Variants in NALF1 observed in about 807,000 individuals in gnomAD.
NALF1 encodes the protein NALCN channel auxiliary factor 1, also known as family with sequence similarity 155 member A.
In NALF1, 3 loss-of-function variants were observed where a neutral mutation model predicts 48.4. That is an observed-to-expected ratio of 0.06 (90% CI 0.03 to 0.16). The LOEUF is 0.16. Ranked by LOEUF, NALF1 falls within the 10% of genes least tolerant of loss-of-function variation. The pLI is 1.00. For missense variants in NALF1, 526 were observed against 571.5 expected (o/e 0.92, Z 0.81); for synonymous variants, 262 against 245.7 (o/e 1.07, Z -0.62).
At chr13:107,325,855 C>CACATATATAT (rs1331741745) in intron 1 of NALF1, among the ~76,000 whole-genome samples, 12 of 54,044 alleles carry the variant, frequency 2.2e-4, no homozygotes, top group Admixed American at 1.2e-3. Flanking sequence ...CACACACACA[C>CACATATATAT]ATATATATAT....
At chr13:107,348,902 A>G (rs1338047175) in intron 1 of NALF1, among the ~76,000 whole-genome samples, 1 of 152,210 alleles carries the variant, frequency 6.6e-6, no homozygotes, top group Non-Finnish European at 1.5e-5. Flanking sequence ...CTTCCATTTC[A>G]GATGCCAGCT....
At chr13:107,854,868 CAAA>C (rs35071894) in intron 1 of NALF1, among the ~76,000 whole-genome samples, 7 of 81,922 alleles carry the variant, frequency 8.5e-5, no homozygotes, top group Non-Finnish European at 7.2e-5. Context: ...GGTTCCATCT[CAAA>C]AAAAAAAAAA....
chr13:107,345,547 C>T (rs935854351), intron 1 of NALF1, among the ~76,000 whole-genome samples: 2 of 152,066 alleles, frequency 1.3e-5, no homozygotes, highest in African/African-American at 4.8e-5. Context: ...AAAGTCTACA[C>T]AATATGGAAA....
At chr13:107,412,424 C>T (rs1386969722) in intron 1 of NALF1, among the ~76,000 whole-genome samples, 1 of 152,096 alleles carries the variant, frequency 6.6e-6, no homozygotes, top group African/African-American at 2.4e-5. Flanking sequence ...CTTCAGGGCT[C>T]CAGGGCAGTG....
At position 107,844,379 on chromosome 13, in the gene NALF1, A is replaced by G. The variant is rs567659200; in HGVS notation, c.915+21303T>C. Reference sequence around the variant, plus strand: ...TCTTTTATATTTTTGCAAGATACTAATAAGAATTTGAAAATTCATTATTAT... The same window carrying G: ...TCTTTTATATTTTTGCAAGATACTAGTAAGAATTTGAAAATTCATTATTAT... On this transcript the variant is annotated intron_variant, in intron 1 of 2. Transcript: ENST00000375915. 2.6e-5 allele frequency among the ~76,000 whole-genome samples: 4 copies of G among 152,310 alleles called. No individual in the cohort carries two copies. In the South Asian group the frequency reaches 8.3e-4, roughly 32 times the overall value.
chr13:107,838,087 G>C (rs143475519), intron 1 of NALF1, among the ~76,000 whole-genome samples: 8 of 152,302 alleles, frequency 5.3e-5, no homozygotes, highest in Non-Finnish European at 1.2e-4. Flanking sequence ...CTCGGCACAA[G>C]AAGTACTTGT....
chr13:107,399,063 C>T (rs1883760290), intron 1 of NALF1, among the ~76,000 whole-genome samples: 1 of 152,154 alleles, frequency 6.6e-6, no homozygotes, highest in South Asian at 2.1e-4. Flanking sequence ...CTCAATTATC[C>T]TGGTAAAACC....
chr13:107,578,055 T>C (rs1878203258), intron 1 of NALF1, among the ~76,000 whole-genome samples: 1 of 152,174 alleles, frequency 6.6e-6, no homozygotes, highest in Non-Finnish European at 1.5e-5. Context: ...AGGTCTAAAA[T>C]TGATTGGTGC....
intron 1 of NALF1, among the ~76,000 whole-genome samples, chr13:107,755,846 G>A (rs897669668): frequency 2.0e-5 from 3 of 152,158 alleles, no homozygotes; most frequent in African/African-American, 7.2e-5. Flanking sequence ...TACTTCAGGA[G>A]TGAAGAAAAG....
At chr13:107,638,116 T>C (rs1880034487) in intron 1 of NALF1, among the ~76,000 whole-genome samples, 1 of 148,730 alleles carries the variant, frequency 6.7e-6, no homozygotes, top group Non-Finnish European at 1.5e-5. Flanking sequence ...AGAGTGTTTA[T>C]GGAAATCAAA....
chr13:107,676,596 A>G (rs1881129250), intron 1 of NALF1, among the ~76,000 whole-genome samples: 1 of 105,404 alleles, frequency 9.5e-6, no homozygotes. Flanking sequence ...TCATTAAATT[A>G]ATTTAATTTA....
Position 107,715,037 on chromosome 13 carries a change from A to G in NALF1, c.915+150645T>C, listed in dbSNP as rs1875710493. 1.3e-5 allele frequency among the ~76,000 whole-genome samples: 2 copies of G among 151,984 alleles called. 1 individual carries two copies. Among genetic ancestry groups the G allele is most frequent in the South Asian group, 4.1e-4 (2 of 4,824 alleles). On this transcript the variant is annotated intron_variant, in intron 1 of 2. Coordinates refer to ENST00000375915, the MANE Select transcript of NALF1 (RefSeq NM_001080396.3). ...TTTTGTGCTTATATAGTAGGTGTAT[A>G]TATTTATGGGATGAATGTGATGTTT...
intron 1 of NALF1, among the ~76,000 whole-genome samples, chr13:107,747,801 A>G (rs191754045): frequency 1.7e-4 from 26 of 152,332 alleles, no homozygotes; most frequent in Admixed American, 1.6e-3. Flanking sequence ...ATTAAAATGT[A>G]TAAGACTCCC....
intron 1 of NALF1, among the ~76,000 whole-genome samples, chr13:107,689,146 T>C (rs1484146828): frequency 6.6e-6 from 1 of 152,080 alleles, no homozygotes; most frequent in Non-Finnish European, 1.5e-5. Flanking sequence ...CTGCCCGGAG[T>C]CACAGCGGTG....
At chr13:107,668,490 A>G (rs764037982) in intron 1 of NALF1, among the ~76,000 whole-genome samples, 18 of 151,990 alleles carry the variant, frequency 1.2e-4, no homozygotes, top group Non-Finnish European at 2.6e-4. Context: ...ACTGAGAAAC[A>G]TTTTGCAAGC....
At chr13:107,508,023 A>G (rs1311402693) in intron 1 of NALF1, among the ~76,000 whole-genome samples, 1 of 152,188 alleles carries the variant, frequency 6.6e-6, no homozygotes, top group Non-Finnish European at 1.5e-5. Flanking sequence ...AAAAATAGTA[A>G]TAAGCTATCC....
intron 1 of NALF1, among the ~76,000 whole-genome samples, chr13:107,432,539 C>A (rs1566340016): frequency 6.6e-6 from 1 of 152,100 alleles, no homozygotes. Context: ...TCAGCTGCTT[C>A]CCCGGGTGAT....
chr13:107,514,787 T>C (rs1396245096), intron 1 of NALF1, among the ~76,000 whole-genome samples: 2 of 152,160 alleles, frequency 1.3e-5, no homozygotes, highest in East Asian at 1.9e-4. Flanking sequence ...TTAAAGCCTA[T>C]ACTCTCCCCC....
At position 107,170,572 on chromosome 13, in the gene NALF1, C is replaced by G. The variant is rs1402165891; in HGVS notation, c.1302G>C (p.Ser434=). Residue 434 remains serine, a synonymous_variant, in exon 3 of 3, where the codon TCG becomes TCC. Transcript: ENST00000375915. ...LILLHTVLTA[S]AAQNTAGLSF... The stretch of plus-strand genomic sequence containing the variant: ...TCAGTCCGGCTGTGTTCTGTGCTGC[C>G]GAGGCTGTGAGCACTGTGTGTAAGA... 2 of 1,614,098 alleles carry G rather than the reference C, an allele frequency of 1.2e-6. No homozygotes were observed. The highest frequency in any genetic ancestry group is 1.7e-6 in the Non-Finnish European group (2 of 1,180,018).
Sources: gnomAD v4.1 joint callset for allele counts (sites outside exome capture counted in the v4.1 genomes callset) on GRCh38, gnomAD v4.1.1 for gene constraint, MANE v1.5 for transcripts, NCBI Gene and HGNC (gene_info 2026-07-23, HGNC 2026-07-21) for gene names.